Variants in PTPRD observed in about 807,000 individuals in gnomAD.
The protein encoded by PTPRD is protein tyrosine phosphatase receptor type D.
PTPRD carries 34 observed loss-of-function variants against 214.5 expected under a neutral mutation model. The observed-to-expected ratio is 0.16, with a 90% CI of 0.12 to 0.21. The LOEUF (loss-of-function observed/expected upper bound fraction) is 0.21. PTPRD is among the 10% of genes least tolerant of loss of function. The pLI is 1.00. For synonymous variants in PTPRD, 1,128 were observed against 845.7 expected (o/e 1.33, Z -5.79); for missense variants, 2,545 against 2,398.7 (o/e 1.06, Z -1.27).
At chr9:9,126,072 C>G (rs987713044) in intron 10 of PTPRD, among the ~76,000 whole-genome samples, 1 of 152,134 alleles carries the variant, frequency 6.6e-6, no homozygotes, top group African/African-American at 2.4e-5. Context: ...GAGATTTACC[C>G]TGTTGGTGGT....
At chr9:9,069,475 T>C (rs1162676775) in intron 10 of PTPRD, among the ~76,000 whole-genome samples, 1 of 152,168 alleles carries the variant, frequency 6.6e-6, no homozygotes, top group African/African-American at 2.4e-5. Flanking sequence ...GACTGTAAAC[T>C]TAAAGCATTA....
At chr9:8,393,258 G>A (rs2090163734) in intron 36 of PTPRD, among the ~76,000 whole-genome samples, 1 of 152,150 alleles carries the variant, frequency 6.6e-6, no homozygotes, top group Admixed American at 6.6e-5. Flanking sequence ...CAAGAGAAGT[G>A]TGTGAGAATT....
chr9:10,338,396 C>A (rs370819519), intron 3 of PTPRD, among the ~76,000 whole-genome samples: 1 of 151,708 alleles, frequency 6.6e-6, no homozygotes, highest in Non-Finnish European at 1.5e-5. Flanking sequence ...TCCTTCCACA[C>A]GCAGACAAAT....
intron 9 of PTPRD, among the ~76,000 whole-genome samples, chr9:9,302,557 G>C (rs1005203034): frequency 1.6e-5 from 2 of 121,994 alleles, no homozygotes; most frequent in Non-Finnish European, 3.6e-5. Context: ...TTCATTTTTT[G>C]TTCCACTAAT....
At chr9:10,073,125 A>C (rs1466058966) in intron 3 of PTPRD, among the ~76,000 whole-genome samples, 4 of 152,078 alleles carry the variant, frequency 2.6e-5, no homozygotes, top group African/African-American at 9.7e-5. Flanking sequence ...TATGGGGTTT[A>C]GTGGAGAGGA....
At chr9:9,774,636 T>A (rs1002102033) in intron 5 of PTPRD, among the ~76,000 whole-genome samples, 7 of 152,226 alleles carry the variant, frequency 4.6e-5, no homozygotes, top group Admixed American at 4.6e-4. Context: ...GTTCTATTCA[T>A]CAGGCATTGA....
At chr9:9,823,616 A>G (rs1035443097) in intron 5 of PTPRD, among the ~76,000 whole-genome samples, 1 of 152,102 alleles carries the variant, frequency 6.6e-6, no homozygotes, top group African/African-American at 2.4e-5. Context: ...TGTTAAATGA[A>G]ATAATCCAGT....
At chr9:10,268,710 C>T (rs1459994892) in intron 3 of PTPRD, among the ~76,000 whole-genome samples, 1 of 152,140 alleles carries the variant, frequency 6.6e-6, no homozygotes, top group Non-Finnish European at 1.5e-5. Flanking sequence ...AGTACTATAT[C>T]CTCTCATCCC....
At chr9:9,898,178 A>G (rs986682439) in intron 5 of PTPRD, among the ~76,000 whole-genome samples, 4 of 152,146 alleles carry the variant, frequency 2.6e-5, no homozygotes, top group Admixed American at 6.6e-5. Context: ...GGGATAAACT[A>G]GGTCATTAAT....
intron 2 of PTPRD, among the ~76,000 whole-genome samples, chr9:10,568,999 G>A (rs2066566591): frequency 1.3e-5 from 2 of 151,980 alleles, no homozygotes; most frequent in South Asian, 2.1e-4. Context: ...TACAGAATGG[G>A]AGAAAATTTT....
intron 11 of PTPRD, among the ~76,000 whole-genome samples, chr9:8,923,400 G>C (rs13301213): frequency 1.3e-5 from 2 of 151,474 alleles, no homozygotes; most frequent in South Asian, 2.1e-4. Flanking sequence ...GCAATAAAAC[G>C]AGTCATACCA....
At chr9:8,738,392 G>A (rs894582203) in intron 11 of PTPRD, among the ~76,000 whole-genome samples, 2 of 149,736 alleles carry the variant, frequency 1.3e-5, no homozygotes, top group Non-Finnish European at 2.9e-5. Flanking sequence ...ACTGTTATTT[G>A]TGTCTAAATA....
chr9:9,592,241 A>C lies in PTPRD; in HGVS notation c.-286-17460T>G, dbSNP rs559221537. On this transcript the variant is annotated intron_variant, in intron 7 of 45. Coordinates refer to ENST00000381196, the MANE Select transcript of PTPRD (RefSeq NM_002839.4). Reference sequence around the variant, plus strand: ...ATTTATGGCCTTTTGCCTAAATTATATCTTGTTCCATTTCCATGCTGTAGA... The same window carrying C: ...ATTTATGGCCTTTTGCCTAAATTATCTCTTGTTCCATTTCCATGCTGTAGA... Among the ~76,000 whole-genome samples, 4 of 152,208 alleles carry C rather than the reference A, an allele frequency of 2.6e-5. No homozygotes were observed. In the South Asian group the frequency reaches 8.3e-4, roughly 32 times the overall value.
At chr9:9,349,133 GA>G (rs955572052) in intron 9 of PTPRD, among the ~76,000 whole-genome samples, 6 of 151,984 alleles carry the variant, frequency 3.9e-5, no homozygotes, top group Non-Finnish European at 8.8e-5. Context: ...ATATGTTTAA[GA>G]AAAAATAATT....
At chr9:10,105,083 A>G (rs962325537) in intron 3 of PTPRD, among the ~76,000 whole-genome samples, 2 of 151,830 alleles carry the variant, frequency 1.3e-5, no homozygotes, top group African/African-American at 4.8e-5. Context: ...CCTTTGTCTC[A>G]TTCTCCATAA....
At chr9:10,307,784 T>C (rs1010988120) in intron 3 of PTPRD, among the ~76,000 whole-genome samples, 5 of 152,038 alleles carry the variant, frequency 3.3e-5, no homozygotes, top group Non-Finnish European at 5.9e-5. Flanking sequence ...TGATATATCA[T>C]TGTGGTTTGG....
chr9:8,806,962 G>T (rs1468496450), intron 11 of PTPRD, among the ~76,000 whole-genome samples: 1 of 152,160 alleles, frequency 6.6e-6, no homozygotes, highest in Non-Finnish European at 1.5e-5. Flanking sequence ...AATGTAGGAA[G>T]ACCCATGAAT....
intron 4 of PTPRD, among the ~76,000 whole-genome samples, chr9:10,026,088 A>G (rs1466132590): frequency 6.6e-6 from 1 of 152,196 alleles, no homozygotes; most frequent in African/African-American, 2.4e-5. Context: ...GTGTTTCTGG[A>G]GAAACCACAA....
At chr9:9,120,257 C>A (rs1300992679) in intron 10 of PTPRD, among the ~76,000 whole-genome samples, 1 of 152,158 alleles carries the variant, frequency 6.6e-6, no homozygotes, top group East Asian at 1.9e-4. Context: ...CATTTAAGTG[C>A]TTATTAATAA....
Sources: allele counts gnomAD v4.1 joint callset (sites outside exome capture counted in the v4.1 genomes callset), GRCh38; gene constraint gnomAD v4.1.1; transcripts MANE v1.5; gene names NCBI Gene and HGNC (gene_info 2026-07-23, HGNC 2026-07-21).